The following DCLK1 variants were observed in gnomAD, a reference collection of about 807,000 sequenced individuals.
DCLK1 encodes doublecortin like kinase 1, also known as serine/threonine-protein kinase DCLK1.
In DCLK1, 16 loss-of-function variants were observed where a neutral mutation model predicts 86.2. That is an observed-to-expected ratio of 0.19 (90% CI 0.13 to 0.28). The LOEUF is 0.28. Among genes scored for constraint, DCLK1 ranks in the 10% least tolerant of loss-of-function variants. DCLK1 has a pLI of 1.00. For synonymous variants in DCLK1, 369 were observed against 370.5 expected, an observed-to-expected ratio of 1.00 and a Z score of 0.05; for missense variants, 590 against 940.2, an observed-to-expected ratio of 0.63 and a Z score of 4.87.
intron 3 of DCLK1, among the ~76,000 whole-genome samples, chr13:36,034,256 C>T (rs1008175792): frequency 6.6e-6 from 1 of 152,032 alleles, no homozygotes; most frequent in Non-Finnish European, 1.5e-5. Context: ...ATAGAAACTT[C>T]GTGGTTGTTT....
intron 4 of DCLK1, among the ~76,000 whole-genome samples, chr13:35,896,909 T>C (rs1157342972): frequency 6.6e-6 from 1 of 152,110 alleles, no homozygotes; most frequent in Admixed American, 6.5e-5. Flanking sequence ...GTGTGGAGGC[T>C]CATAGCACAG....
intron 15 of DCLK1, chr13:35,805,413 C>A: frequency 3.2e-6 from 1 of 311,510 alleles, no homozygotes; most frequent in Admixed American, 4.9e-5. Flanking sequence ...CCTACCACCT[C>A]AGCCTCCTGA....
intron 3 of DCLK1, among the ~76,000 whole-genome samples, chr13:36,079,118 G>A (rs545974185): frequency 1.3e-5 from 2 of 152,272 alleles, no homozygotes; most frequent in African/African-American, 4.8e-5. Context: ...CCATGTCAGG[G>A]CGGTTGTGGA....
chr13:35,958,909 T>C (rs1172232232), intron 3 of DCLK1, among the ~76,000 whole-genome samples: 1 of 152,206 alleles, frequency 6.6e-6, no homozygotes, highest in Non-Finnish European at 1.5e-5. Context: ...AAACATTCTC[T>C]GGAATTGTTT....
intron 3 of DCLK1, among the ~76,000 whole-genome samples, chr13:36,080,784 C>A (rs895542689): frequency 1.3e-5 from 2 of 152,164 alleles, no homozygotes; most frequent in Non-Finnish European, 2.9e-5. Flanking sequence ...GAATCCCTTT[C>A]TGTTATTGGG....
Position 35,973,902 on chromosome 13 carries a change from C to T in DCLK1, c.724-26445G>A, listed in dbSNP as rs138433433. On this transcript the variant is annotated intron_variant, in intron 3 of 16. Coordinates refer to ENST00000360631, the MANE Select transcript of DCLK1 (RefSeq NM_001330071.2). ...ACCTGGAGCAGGGACAGAGAAACCC[C>T]CCTTTCTGAGACTGGCAGGAAAGGG... is the stretch of plus-strand genomic sequence containing the variant. 5.5e-3 allele frequency among the ~76,000 whole-genome samples: 843 copies of T among 152,112 alleles called. 6 individuals carry two copies. Among genetic ancestry groups the T allele is most frequent in the African/African-American group, 0.019 (804 of 41,476 alleles).
Position 35,772,615 on chromosome 13 carries a change from C to T in DCLK1, c.*1920G>A, listed in dbSNP as rs2086352756. The T allele has an allele frequency of 6.6e-6, 1 of 150,484 alleles. No individual in the cohort carries two copies. Among genetic ancestry groups the T allele is most frequent in the South Asian group, 2.1e-4 (1 of 4,684 alleles). 9.3% of individuals were successfully genotyped at this position (150,484 alleles called of 1,614,324 possible). A position where few individuals can be genotyped will look rare whatever the true frequency, so the allele number is the denominator to read the frequency against. Reference sequence around the variant, plus strand: ...CCCCAAAAACAACTCAACTAATTTACTGATTTATGCTACTTTGTGATTTTG... The same window carrying T: ...CCCCAAAAACAACTCAACTAATTTATTGATTTATGCTACTTTGTGATTTTG... On this transcript the variant is annotated 3_prime_UTR_variant, in exon 17 of 17. Coordinates refer to ENST00000360631, the MANE Select transcript of DCLK1 (RefSeq NM_001330071.2).
intron 3 of DCLK1, among the ~76,000 whole-genome samples, chr13:36,105,409 T>C (rs1885356340): frequency 6.6e-6 from 1 of 152,200 alleles, no homozygotes; most frequent in African/African-American, 2.4e-5. Context: ...GCCATGTGAA[T>C]TGTTTCATTT....
At chr13:36,018,225 A>G (rs1158200598) in intron 3 of DCLK1, among the ~76,000 whole-genome samples, 2 of 152,150 alleles carry the variant, frequency 1.3e-5, no homozygotes, top group African/African-American at 2.4e-5. Context: ...TGTGTACCCT[A>G]TAGACTCAGT....
intron 4 of DCLK1, among the ~76,000 whole-genome samples, chr13:35,941,949 G>A (rs1030237058): frequency 2.6e-5 from 4 of 152,042 alleles, no homozygotes; most frequent in African/African-American, 9.7e-5. Flanking sequence ...CTGTGAAAAC[G>A]ACATTGCTCC....
At chr13:35,911,195 G>A (rs1875008228) in intron 4 of DCLK1, among the ~76,000 whole-genome samples, 1 of 150,976 alleles carries the variant, frequency 6.6e-6, no homozygotes. Flanking sequence ...TTGGGAGGTT[G>A]AGGCAGGAGA....
rs75134394 is a variant in DCLK1 at position 36,077,068 on chromosome 13, C to T, written c.723+34801G>A. ...AGGTAGAAGAATAGAGAAAGCTGTG[C>T]CACTTACTGAGCACTTACTATCAAT... On this transcript the variant is annotated intron_variant, in intron 3 of 16. Transcript: ENST00000360631. Among the ~76,000 whole-genome samples the T allele has an allele frequency of 7.2e-4, 110 of 152,140 alleles. 1 individual carries two copies. The East Asian group carries it at 0.02, about 28-fold the overall frequency.
intron 11 of DCLK1, 43 bp downstream of exon 11, chr13:35,822,685 AG>A (rs2087423588): frequency 6.2e-7 from 1 of 1,610,926 alleles, no homozygotes; most frequent in African/African-American, 1.3e-5. Flanking sequence ...TTCCTTCATG[AG>A]TGCTTGGAAC....
chr13:35,779,987 A>AG (rs1478606372), intron 16 of DCLK1, among the ~76,000 whole-genome samples: 1 of 149,226 alleles, frequency 6.7e-6, no homozygotes, highest in African/African-American at 2.4e-5. Flanking sequence ...CCGCCCCTGA[A>AG]AAAAAAAAAA....
At chr13:36,062,393 T>C (rs368331457) in intron 3 of DCLK1, among the ~76,000 whole-genome samples, 38 of 152,224 alleles carry the variant, frequency 2.5e-4, no homozygotes, top group Middle Eastern at 6.8e-3. Context: ...TTTTGCTTTA[T>C]TGTCAGTGTT....
intron 6 of DCLK1, chr13:35,845,890 G>A: frequency 1.0e-6 from 1 of 982,302 alleles, no homozygotes; most frequent in Non-Finnish European, 1.2e-6. Flanking sequence ...GAAACTCACT[G>A]AACAACATAG....
At chr13:36,022,704 AAAG>A (rs1162736213) in intron 3 of DCLK1, among the ~76,000 whole-genome samples, 1 of 152,174 alleles carries the variant, frequency 6.6e-6, no homozygotes, top group African/African-American at 2.4e-5. Context: ...ACAAACTACC[AAAG>A]AAGTAAAAAA....
intron 4 of DCLK1, among the ~76,000 whole-genome samples, chr13:35,935,754 T>G (rs1490450143): frequency 6.6e-6 from 1 of 152,206 alleles, no homozygotes; most frequent in Non-Finnish European, 1.5e-5. Context: ...AAGGATATAT[T>G]GTCAAACAAA....
chr13:35,970,692 C>G (rs1022947), intron 3 of DCLK1, among the ~76,000 whole-genome samples: 118,004 of 152,116 alleles, frequency 0.78, 46,021 homozygotes, highest in East Asian at 0.96. Flanking sequence ...TAACCTGCAG[C>G]CACCTTGATC....
Sources: gnomAD v4.1 joint callset for allele counts (sites outside exome capture counted in the v4.1 genomes callset) on GRCh38, gnomAD v4.1.1 for gene constraint, MANE v1.5 for transcripts, NCBI Gene and HGNC (gene_info 2026-07-23, HGNC 2026-07-21) for gene names.